Variants in YIPF1 observed in about 807,000 individuals in gnomAD.
YIPF1 encodes the protein protein YIPF1.
In YIPF1, 22 loss-of-function variants were observed where a neutral mutation model predicts 37.0. That is an observed-to-expected ratio of 0.59 (90% confidence interval 0.42 to 0.85). YIPF1 has a LOEUF of 0.85. YIPF1 is among the 40% of genes least tolerant of loss of function. The probability of loss-of-function intolerance (pLI) is 0.00; values close to 1 mark genes in which losing one functional copy is unlikely to be tolerated. For synonymous variants in YIPF1, 128 were observed against 131.9 expected, an observed-to-expected ratio of 0.97 and a Z score of 0.21; for missense variants, 355 against 373.1, an observed-to-expected ratio of 0.95 and a Z score of 0.40.
chr1:53,873,398 G>C (rs1650244851), intron 6 of YIPF1, among the ~76,000 whole-genome samples: 1 of 152,190 alleles, frequency 6.6e-6, no homozygotes, highest in African/African-American at 2.4e-5. Flanking sequence ...TGAAGTAAGA[G>C]GTACCAGTTC....
intron 9 of YIPF1, among the ~76,000 whole-genome samples, chr1:53,863,646 C>T (rs116813471): frequency 6.6e-6 from 1 of 152,172 alleles, no homozygotes; most frequent in Admixed American, 6.5e-5. Flanking sequence ...GCAAGATGGG[C>T]AGGTAAATCC....
chr1:53,852,287 G>T lies in YIPF1; in HGVS notation c.*9-17C>A, dbSNP rs1649615097. The T allele has an allele frequency of 6.6e-6, 1 of 152,022 alleles. No homozygotes were observed. The highest frequency in any genetic ancestry group is 6.6e-5 in the Admixed American group (1 of 15,246). The allele number at this position is 152,022 out of a possible 1,614,324, so 9.4% of individuals were successfully genotyped here. On this transcript the variant is annotated splice_polypyrimidine_tract_variant and intron_variant, in intron 10 of 10. Transcript: ENST00000072644. Reference sequence around the variant, plus strand: ...AAAAGAGAACTGAAAAACAAAACGGGAAACTTTCAAGATAAAGCACCCCCC... The same window carrying T: ...AAAAGAGAACTGAAAAACAAAACGGTAAACTTTCAAGATAAAGCACCCCCC...
In YIPF1 at chr1:53,871,422, A is replaced by G; in HGVS notation, c.431T>C (p.Leu144Ser). The change falls in exon 7 of 11, where the codon TTG becomes TCG. Residue 144 changes from leucine to serine, a missense_variant. Coordinates refer to ENST00000072644, the MANE Select transcript of YIPF1 (RefSeq NM_018982.5). ...IAISGNLSNF[L>S]IHLGEKTYHY... The stretch of plus-strand genomic sequence containing the variant: ...GTACGTCTTCTCTCCCAGATGGATC[A>G]AGAAGTTGGAAAGATTCCCACTAAT... 1 of 1,614,170 alleles carries G rather than the reference A, an allele frequency of 6.2e-7. No individual in the cohort carries two copies. The highest frequency in any genetic ancestry group is 8.5e-7 in the Non-Finnish European group (1 of 1,179,990).
chr1:53,869,181 C>CAT (rs1557605430), intron 7 of YIPF1, among the ~76,000 whole-genome samples: 2 of 151,946 alleles, frequency 1.3e-5, no homozygotes, highest in African/African-American at 4.8e-5. Flanking sequence ...CACACACACA[C>CAT]ACACACACAG....
intron 6 of YIPF1, among the ~76,000 whole-genome samples, chr1:53,877,169 G>A (rs1029565973): frequency 2.0e-5 from 3 of 152,134 alleles, no homozygotes; most frequent in African/African-American, 7.2e-5. Flanking sequence ...AGACACTGAG[G>A]CACAGAGCCT....
intron 10 of YIPF1, among the ~76,000 whole-genome samples, chr1:53,856,088 CCTCT>C (rs1649711038): frequency 6.6e-6 from 1 of 152,192 alleles, no homozygotes; most frequent in Non-Finnish European, 1.5e-5. Context: ...CTCTGGACAG[CCTCT>C]CTATCAGCAA....
At chr1:53,882,213 T>C (rs1382775763) in intron 4 of YIPF1, among the ~76,000 whole-genome samples, 1 of 152,148 alleles carries the variant, frequency 6.6e-6, no homozygotes, top group African/African-American at 2.4e-5. Context: ...AGCTAATGGA[T>C]GCTGGGCTTA....
At chr1:53,879,745 C>G (rs760893600) in intron 4 of YIPF1, among the ~76,000 whole-genome samples, 19 of 152,138 alleles carry the variant, frequency 1.2e-4, no homozygotes, top group Admixed American at 3.9e-4. Context: ...AAACGGATGG[C>G]CGATTAGAAG....
rs545581566 is a variant in YIPF1 at position 53,865,611 on chromosome 1, C to T, written c.831+589G>A. 5.3e-5 allele frequency among the ~76,000 whole-genome samples: 8 copies of T among 152,058 alleles called. No individual in the cohort carries two copies. The South Asian group carries it at 1.0e-3, about 20-fold the overall frequency. The stretch of plus-strand genomic sequence containing the variant: ...AACCACACCCCCACAACCCCCATAC[C>T]AAGGAACAAATGTATACAGACACTC... On this transcript the variant is annotated intron_variant, in intron 9 of 10. Transcript: ENST00000072644.
rs1212858393 is a variant in YIPF1 at position 53,851,901 on chromosome 1, A to G, written c.*378T>C. 6.6e-6 allele frequency: 1 copy of G among 152,222 alleles called. No homozygotes were observed. The highest frequency in any genetic ancestry group is 6.5e-5 in the Admixed American group (1 of 15,284). 9.4% of individuals were successfully genotyped at this position (152,222 alleles called of 1,614,324 possible). A position where few individuals can be genotyped will look rare whatever the true frequency, so the allele number is the denominator to read the frequency against. On this transcript the variant is annotated 3_prime_UTR_variant, in exon 11 of 11. Coordinates refer to ENST00000072644, the MANE Select transcript of YIPF1 (RefSeq NM_018982.5). ...AGGATCCCCCAGGTAGTCTGTACATAATTCAGAGAGAGGACATCAGAATTT... is the reference window on the plus strand; with the variant it reads ...AGGATCCCCCAGGTAGTCTGTACATGATTCAGAGAGAGGACATCAGAATTT...
intron 4 of YIPF1, among the ~76,000 whole-genome samples, chr1:53,879,001 C>T (rs1195354103): frequency 2.6e-5 from 4 of 152,100 alleles, no homozygotes; most frequent in Non-Finnish European, 5.9e-5. Context: ...GGCTTAGTTC[C>T]CTTATCTAGA....
Position 53,866,767 on chromosome 1 carries a change from G to A in YIPF1, c.639C>T (p.Ile213=), listed in dbSNP as rs772243613. 1.9e-6 allele frequency: 3 copies of A among 1,613,410 alleles called. No individual in the cohort carries two copies. The highest frequency in any genetic ancestry group is 2.5e-6 in the Non-Finnish European group (3 of 1,179,580). Residue 213 remains isoleucine, a synonymous_variant, in exon 8 of 11, where the codon ATC becomes ATT. Coordinates refer to ENST00000072644, the MANE Select transcript of YIPF1 (RefSeq NM_018982.5). The part of the protein sequence containing the change: ...CVYGYSLFIY[I]PTAILWIIPQ... Reference sequence around the variant, plus strand: ...TAAGTATGGTACTTACTGCGGTGGGGATATAAATGAAGAGGGAATATCCAT... The same window carrying A: ...TAAGTATGGTACTTACTGCGGTGGGAATATAAATGAAGAGGGAATATCCAT...
intron 4 of YIPF1, 54 bp downstream of exon 4, chr1:53,883,059 A>G: frequency 6.6e-7 from 1 of 1,516,970 alleles, no homozygotes; most frequent in South Asian, 1.4e-5. Context: ...GTGAATAAGC[A>G]CATAAACAAG....
At position 53,851,954 on chromosome 1, in the gene YIPF1, T is replaced by C. The variant is rs1287421095; in HGVS notation, c.*325A>G. ...CATGGTTCTATTTCAGGTATTAAGG[T>C]ACCACAGTGAAGCATGTCATTTGAC... On this transcript the variant is annotated 3_prime_UTR_variant, in exon 11 of 11. Transcript: ENST00000072644. 1 of 152,222 alleles carries C rather than the reference T, an allele frequency of 6.6e-6. No homozygotes were observed. Among genetic ancestry groups the C allele is most frequent in the East Asian group, 1.9e-4 (1 of 5,206 alleles). The allele number at this position is 152,222 out of a possible 1,614,324, so 9.4% of individuals were successfully genotyped here.
At chr1:53,868,573 A>G (rs1271116181) in intron 7 of YIPF1, among the ~76,000 whole-genome samples, 2 of 152,220 alleles carry the variant, frequency 1.3e-5, no homozygotes, top group Non-Finnish European at 2.9e-5. Flanking sequence ...AGCTACATTT[A>G]TTTCATACAA....
chr1:53,883,762 G>A (rs760578232), intron 3 of YIPF1, among the ~76,000 whole-genome samples: 23 of 152,318 alleles, frequency 1.5e-4, no homozygotes, highest in African/African-American at 5.3e-4. Flanking sequence ...GATCAGCTGC[G>A]CACAGTGACT....
chr1:53,869,131 TTCTCTCTCTCTC>T (rs759374987), intron 7 of YIPF1, among the ~76,000 whole-genome samples: 2 of 139,548 alleles, frequency 1.4e-5, no homozygotes, highest in African/African-American at 5.5e-5. Context: ...CATGGATACA[TTCTCTCTCTCTC>T]TCTCTCTCTC....
chr1:53,857,579 G>C (rs1649752038), intron 10 of YIPF1, among the ~76,000 whole-genome samples: 1 of 152,186 alleles, frequency 6.6e-6, no homozygotes, highest in Non-Finnish European at 1.5e-5. Context: ...GCCTCTAAGA[G>C]GTAGGTGATC....
At chr1:53,884,234 C>CAAAA (rs3058236) in intron 3 of YIPF1, among the ~76,000 whole-genome samples, 232 of 114,184 alleles carry the variant, frequency 2.0e-3, no homozygotes, top group African/African-American at 7.1e-3. Flanking sequence ...GACTTTGTCT[C>CAAAA]AAAAAAAAAA....
Sources: allele counts gnomAD v4.1 joint callset (sites outside exome capture counted in the v4.1 genomes callset), GRCh38; gene constraint gnomAD v4.1.1; transcripts MANE v1.5; gene names NCBI Gene and HGNC (gene_info 2026-07-23, HGNC 2026-07-21).